Variants in THSD4 observed in about 807,000 individuals in gnomAD.
The protein encoded by THSD4 is thrombospondin type-1 domain-containing protein 4.
Under a neutral mutation model 119.0 loss-of-function variants are expected in THSD4, and 69 were observed. The observed-to-expected ratio is 0.58, with a 90% CI of 0.48 to 0.71. The LOEUF is 0.71. Ranked by LOEUF, THSD4 falls within the 30% of genes least tolerant of loss-of-function variation. The pLI is 0.00. For synonymous variants in THSD4, 524 were observed against 540.4 expected, an observed-to-expected ratio of 0.97 and a Z score of 0.42; for missense variants, 1,393 against 1,391.1, an observed-to-expected ratio of 1.00 and a Z score of -0.02.
chr15:71,572,568 T>G (rs1200076416), intron 7 of THSD4, among the ~76,000 whole-genome samples: 1 of 151,604 alleles, frequency 6.6e-6, no homozygotes, highest in Admixed American at 6.6e-5. Flanking sequence ...GGTGGGGAGC[T>G]CTGGCGCTGG....
chr15:71,699,138 G>A (rs2052230545), intron 8 of THSD4, among the ~76,000 whole-genome samples: 1 of 149,786 alleles, frequency 6.7e-6, no homozygotes, highest in South Asian at 2.1e-4. Context: ...TGAGTAATGT[G>A]TTTATGGCAT....
chr15:71,142,999 G>T (rs1392994220), intron 2 of THSD4, among the ~76,000 whole-genome samples: 1 of 152,210 alleles, frequency 6.6e-6, no homozygotes, highest in African/African-American at 2.4e-5. Context: ...TTAACTGAGT[G>T]CAGTGCATGT....
chr15:71,409,376 G>C (rs1199857855), intron 6 of THSD4, among the ~76,000 whole-genome samples: 1 of 152,184 alleles, frequency 6.6e-6, no homozygotes, highest in Non-Finnish European at 1.5e-5. Context: ...AAAGTGAGGA[G>C]CTGGGGAGAG....
chr15:71,563,237 A>T (rs564257651), intron 7 of THSD4, among the ~76,000 whole-genome samples: 1 of 152,240 alleles, frequency 6.6e-6, no homozygotes, highest in South Asian at 2.1e-4. Context: ...ATCATGACTG[A>T]TGAGGACCCC....
intron 6 of THSD4, among the ~76,000 whole-genome samples, chr15:71,280,835 C>G (rs1237838814): frequency 1.3e-5 from 2 of 152,158 alleles, no homozygotes; most frequent in African/African-American, 2.4e-5. Flanking sequence ...CCAGCATACC[C>G]GCTGTGAATG....
chr15:71,588,120 C>T lies in THSD4; in HGVS notation c.1153-72410C>T, dbSNP rs796374040. ...AGGAGATCGAGACCATCCTGGCTAACATGGTGAAACCCCGTCTCTACTAAA... is the reference window on the plus strand; with the variant it reads ...AGGAGATCGAGACCATCCTGGCTAATATGGTGAAACCCCGTCTCTACTAAA... On this transcript the variant is annotated intron_variant, in intron 7 of 17. Transcript: ENST00000261862. Among the ~76,000 whole-genome samples, 187 of 151,964 alleles carry T rather than the reference C, an allele frequency of 1.2e-3. 2 individuals are homozygous for T. The highest frequency in any genetic ancestry group is 4.1e-3 in the African/African-American group (171 of 41,520).
At chr15:71,172,706 T>TATATATATATATATATGTGAC (rs2043389497) in intron 3 of THSD4, among the ~76,000 whole-genome samples, 1 of 110,852 alleles carries the variant, frequency 9.0e-6, no homozygotes, top group African/African-American at 4.3e-5. Context: ...TATATATATA[T>TATATATATATATATATGTGAC]ATATATATAT....
chr15:71,494,851 TA>T (rs1178695294), intron 7 of THSD4, among the ~76,000 whole-genome samples: 4 of 152,208 alleles, frequency 2.6e-5, no homozygotes, highest in African/African-American at 9.6e-5. Context: ...TAAAATACCC[TA>T]AAGATATGAA....
At chr15:71,300,002 T>TATATATA (rs2044926604) in intron 6 of THSD4, among the ~76,000 whole-genome samples, 1 of 141,250 alleles carries the variant, frequency 7.1e-6, no homozygotes, top group African/African-American at 2.7e-5. Flanking sequence ...TATATATATA[T>TATATATA]TAGCCATGGG....
At chr15:71,373,713 T>G (rs1003329668) in intron 6 of THSD4, among the ~76,000 whole-genome samples, 1 of 152,116 alleles carries the variant, frequency 6.6e-6, no homozygotes, top group Non-Finnish European at 1.5e-5. Flanking sequence ...GCTACAAGGG[T>G]CCAGGCAGAT....
chr15:71,452,013 C>CA (rs2047272025), intron 7 of THSD4, among the ~76,000 whole-genome samples: 1 of 152,130 alleles, frequency 6.6e-6, no homozygotes, highest in African/African-American at 2.4e-5. Flanking sequence ...CCAGCCTTCC[C>CA]TCAGGACCCT....
chr15:71,728,905 GC>G, intron 9 of THSD4, 181 bp downstream of exon 9: 1 of 744,392 alleles, frequency 1.3e-6, no homozygotes, highest in Non-Finnish European at 2.2e-6. Flanking sequence ...TTCTGAATGG[GC>G]CCAGCTCACA....
intron 15 of THSD4, among the ~76,000 whole-genome samples, chr15:71,763,545 T>C (rs1023281707): frequency 1.5e-4 from 20 of 136,512 alleles, no homozygotes; most frequent in African/African-American, 6.9e-4. Context: ...ACCCTGTCTC[T>C]AAAAACAAAT....
intron 7 of THSD4, among the ~76,000 whole-genome samples, chr15:71,582,215 T>C (rs1346212426): frequency 6.6e-6 from 1 of 152,196 alleles, no homozygotes; most frequent in Non-Finnish European, 1.5e-5. Flanking sequence ...TTTACCTCCT[T>C]AGTTAAGTTT....
At chr15:71,567,604 A>ACC (rs1567040867) in intron 7 of THSD4, among the ~76,000 whole-genome samples, 6 of 118,292 alleles carry the variant, frequency 5.1e-5, no homozygotes, top group African/African-American at 2.9e-5. Context: ...ACACCCCCCC[A>ACC]CACACACACA....
intron 3 of THSD4, among the ~76,000 whole-genome samples, chr15:71,196,595 G>A (rs565953110): frequency 1.3e-5 from 2 of 152,176 alleles, no homozygotes; most frequent in East Asian, 3.8e-4. Flanking sequence ...AGTATCATAG[G>A]AGGAGGTGCT....
chr15:71,240,798 T>TACACACAC (rs58462444), intron 4 of THSD4, among the ~76,000 whole-genome samples: 17 of 145,510 alleles, frequency 1.2e-4, no homozygotes, highest in African/African-American at 2.8e-4. Flanking sequence ...TATATGTGTA[T>TACACACAC]ACACACACAC....
Position 71,746,976 on chromosome 15 carries a change from T to C in THSD4, c.2175T>C (p.Pro725=). 6.2e-7 allele frequency: 1 copy of C among 1,613,610 alleles called. No homozygotes were observed. The highest frequency in any genetic ancestry group is 8.5e-7 in the Non-Finnish European group (1 of 1,179,972). Residue 725 remains proline (P), a synonymous_variant, in exon 13 of 18, where the codon CCT becomes CCC. Coordinates refer to ENST00000261862, the MANE Select transcript of THSD4 (RefSeq NM_024817.3). ...QPYRCQHLEK[P]ETTSTCQLKI... ...ACCGCTGCCAGCACCTGGAGAAACC[T>C]GAGACCACCAGCACCTGCCAACTCA...
chr15:71,508,101 C>T (rs1022747090), intron 7 of THSD4, among the ~76,000 whole-genome samples: 33 of 152,186 alleles, frequency 2.2e-4, no homozygotes, highest in African/African-American at 7.5e-4. Context: ...GGGAGGACCA[C>T]TTAATGATTC....
Sources: gnomAD v4.1 joint callset for allele counts (sites outside exome capture counted in the v4.1 genomes callset) on GRCh38, gnomAD v4.1.1 for gene constraint, MANE v1.5 for transcripts, NCBI Gene and HGNC (gene_info 2026-07-23, HGNC 2026-07-21) for gene names.